Variants in PCDHGB2 observed in about 807,000 individuals in gnomAD.
PCDHGB2 encodes the protein protocadherin gamma-B2.
Under a neutral mutation model 59.3 loss-of-function variants are expected in PCDHGB2, and 55 were observed. That is an observed-to-expected ratio of 0.93 (90% CI 0.75 to 1.16). The LOEUF (loss-of-function observed/expected upper bound fraction) is 1.16. Ranked by LOEUF, PCDHGB2 falls within the 50% of genes most tolerant of loss-of-function variation. The pLI, the probability that PCDHGB2 is intolerant of heterozygous loss-of-function variation, is 0.00. For missense variants in PCDHGB2, 1,228 were observed against 1,198.5 expected (o/e 1.02, Z -0.36); for synonymous variants, 516 against 512.0 (o/e 1.01, Z -0.11).
intron 1 of PCDHGB2, chr5:141,394,755 G>A (rs2093086176): frequency 1.2e-6 from 2 of 1,613,434 alleles, no homozygotes; most frequent in Non-Finnish European, 8.5e-7. Context: ...GGCCGTCCAG[G>A]ACCATGGCCA....
In PCDHGB2 at chr5:141,415,152, C is replaced by G. The variant is rs758450562; in HGVS notation, c.2421+52596C>G. ...AGGACCACGGCCAGCCCCCTCTCTCCGCCACTGTCACGCTCACCGTGGCCG... is the reference window on the plus strand; with the variant it reads ...AGGACCACGGCCAGCCCCCTCTCTCGGCCACTGTCACGCTCACCGTGGCCG... On this transcript the variant is annotated intron_variant, in intron 1 of 3. Transcript: ENST00000522605. The G allele has an allele frequency of 1.9e-6, 3 of 1,613,812 alleles. No individual in the cohort carries two copies. In the Admixed American group the frequency reaches 5.0e-5, roughly 27 times the overall value.
chr5:141,421,031 T>A, intron 1 of PCDHGB2: 1 of 529,760 alleles, frequency 1.9e-6, no homozygotes, highest in Non-Finnish European at 3.3e-6. Context: ...CGCCATTGAG[T>A]CCCTCCCTCC....
At chr5:141,395,093 C>CT (rs2093169149) in intron 1 of PCDHGB2, 4 of 1,614,040 alleles carry the variant, frequency 2.5e-6, no homozygotes, top group Non-Finnish European at 3.4e-6. Flanking sequence ...TCTCCCTCAC[C>CT]GCCGACTCGC....
chr5:141,388,876 T>C lies in PCDHGB2; in HGVS notation c.2421+26320T>C, dbSNP rs941783342. 6.2e-6 allele frequency: 10 copies of C among 1,613,840 alleles called. No homozygotes were observed. In the African/African-American group the frequency reaches 1.1e-4, roughly 17 times the overall value. On this transcript the variant is annotated intron_variant, in intron 1 of 3. Coordinates refer to ENST00000522605, the MANE Select transcript of PCDHGB2 (RefSeq NM_018923.3). ...GGAGGAATGATTGCGCAATGCACAGTGGAGGTAGAAGTCATAGATGAAAAT... is the reference window on the plus strand; with the variant it reads ...GGAGGAATGATTGCGCAATGCACAGCGGAGGTAGAAGTCATAGATGAAAAT...
rs548263490 is a variant in PCDHGB2, at chr5:141,390,417, A to G, written c.2421+27861A>G. On this transcript the variant is annotated intron_variant, in intron 1 of 3. Transcript: ENST00000522605. ...CATTTTAGGAAAGTTGTAGTCAGTT[A>G]AAAAGCTGTCATATCATTCTACAAA... 4 of 1,127,796 alleles carry G rather than the reference A, an allele frequency of 3.5e-6. No homozygotes were observed. The South Asian group carries it at 4.8e-5, about 13-fold the overall frequency. 69.9% of individuals were successfully genotyped at this position (1,127,796 alleles called of 1,614,324 possible). A position where few individuals can be genotyped will look rare whatever the true frequency, so the allele number is the denominator to read the frequency against.
chr5:141,387,071 C>T (rs1487403463), intron 1 of PCDHGB2, among the ~76,000 whole-genome samples: 2 of 152,172 alleles, frequency 1.3e-5, no homozygotes, highest in African/African-American at 4.8e-5. Flanking sequence ...GAGGAGTAGG[C>T]TACTGCCTGT....
intron 1 of PCDHGB2, among the ~76,000 whole-genome samples, chr5:141,482,179 G>A (rs1398839482): frequency 6.6e-6 from 1 of 152,040 alleles, no homozygotes; most frequent in Non-Finnish European, 1.5e-5. Flanking sequence ...AAGGCTTTAC[G>A]ATGCTCCAGT....
intron 1 of PCDHGB2, chr5:141,370,780 AC>A: frequency 6.2e-7 from 1 of 1,613,990 alleles, no homozygotes; most frequent in Non-Finnish European, 8.5e-7. Context: ...ATTAACGACA[AC>A]CCACCGACCT....
chr5:141,374,102 C>T, intron 1 of PCDHGB2: 2 of 1,568,166 alleles, frequency 1.3e-6, no homozygotes, highest in South Asian at 2.4e-5. Flanking sequence ...TCCGCAGAGG[C>T]ATCCGCAGCG....
chr5:141,365,331 T>G, intron 1 of PCDHGB2: 1 of 1,613,960 alleles, frequency 6.2e-7, no homozygotes, highest in Non-Finnish European at 8.5e-7. Flanking sequence ...GCTAAGGTGG[T>G]GGTCACAGTA....
intron 3 of PCDHGB2, 43 bp from the exon 4 acceptor site, chr5:141,510,903 GA>G: frequency 6.2e-7 from 1 of 1,613,454 alleles, no homozygotes; most frequent in Non-Finnish European, 8.5e-7. Flanking sequence ...GACTGTTGAG[GA>G]CCCTAAGTTT....
chr5:141,374,291 G>C, intron 1 of PCDHGB2: 1 of 1,613,976 alleles, frequency 6.2e-7, no homozygotes. Context: ...CGTCTCCAGA[G>C]GTAGGATGCA....
Position 141,361,078 on chromosome 5 carries a change from T to TA in PCDHGB2, c.944dup (p.Tyr315Ter). ...DDLDFEIASS[Y>*]TLSIEAKDPG... is the part of the protein sequence containing the mutation. The stretch of plus-strand genomic sequence containing the variant: ...TTTGGATTTTGAGATTGCAAGTAGT[T>TA]ACACTCTGAGTATCGAAGCAAAAGA... The change falls in exon 1 of 4, where the codon TAC becomes TAAC. Residue 315 changes from tyrosine to a stop codon, truncating the protein, a stop_gained and frameshift_variant. Coordinates refer to ENST00000522605, the MANE Select transcript of PCDHGB2 (RefSeq NM_018923.3). LOFTEE classifies it high-confidence loss of function. 6.2e-7 allele frequency: 1 copy of TA among 1,614,004 alleles called. No individual in the cohort carries two copies. Among genetic ancestry groups the TA allele is most frequent in the Non-Finnish European group, 8.5e-7 (1 of 1,179,876 alleles).
Position 141,399,399 on chromosome 5 carries a change from C to T in PCDHGB2, c.2421+36843C>T, listed in dbSNP as rs1282174658. 1.9e-6 allele frequency: 3 copies of T among 1,613,902 alleles called. No individual in the cohort carries two copies. The Admixed American group carries it at 5.0e-5, about 27-fold the overall frequency. The stretch of plus-strand genomic sequence containing the variant: ...TCACCATCACAGCCACAGACAGGGG[C>T]AAGCCGCCCCTCTCCTCCAGCATAA... On this transcript the variant is annotated intron_variant, in intron 1 of 3. Transcript: ENST00000522605.
rs367651596 is a variant in PCDHGB2, at chr5:141,393,468, A to G, written c.2421+30912A>G. 1.1e-5 allele frequency: 18 copies of G among 1,613,922 alleles called. No individual in the cohort carries two copies. The highest frequency in any genetic ancestry group is 8.0e-5 in the African/African-American group (6 of 74,958). ...GGTCCTCACGGCCTCGGATGGCGGC[A>G]AGCCGCCTCGCTCTAGCACAGTGCG... On this transcript the variant is annotated intron_variant, in intron 1 of 3. Coordinates refer to ENST00000522605, the MANE Select transcript of PCDHGB2 (RefSeq NM_018923.3).
At chr5:141,500,192 A>T (rs865941565) in intron 2 of PCDHGB2, among the ~76,000 whole-genome samples, 1 of 110,142 alleles carries the variant, frequency 9.1e-6, no homozygotes, top group Non-Finnish European at 2.0e-5. Context: ...ATTTTTATTT[A>T]TTTATTTATT....
intron 1 of PCDHGB2, chr5:141,372,953 C>T (rs1217005690): frequency 1.5e-5 from 11 of 745,036 alleles, no homozygotes; most frequent in Non-Finnish European, 2.3e-5. Context: ...CTAGGAAATT[C>T]TTTGTAGAAT....
chr5:141,471,065 T>C (rs1355886133), intron 1 of PCDHGB2, among the ~76,000 whole-genome samples: 3 of 148,628 alleles, frequency 2.0e-5, no homozygotes, highest in Non-Finnish European at 3.0e-5. Context: ...TTTTTTTTTT[T>C]TGAGACAGGG....
intron 1 of PCDHGB2, among the ~76,000 whole-genome samples, chr5:141,457,745 G>T (rs1039982528): frequency 6.6e-6 from 1 of 152,232 alleles, no homozygotes; most frequent in Non-Finnish European, 1.5e-5. Flanking sequence ...TTTTAAAGCT[G>T]AGCCCAGACA....
Sources: gnomAD v4.1 joint callset for allele counts (sites outside exome capture counted in the v4.1 genomes callset) on GRCh38, gnomAD v4.1.1 for gene constraint, MANE v1.5 for transcripts, NCBI Gene and HGNC (gene_info 2026-07-23, HGNC 2026-07-21) for gene names.